Variants in PCSK5 observed in about 807,000 individuals in gnomAD.
PCSK5 encodes the protein proprotein convertase subtilisin/kexin type 5, also known as prohormone convertase 5.
PCSK5 carries 129 observed loss-of-function variants against 233.2 expected under a neutral mutation model. That is an observed-to-expected ratio of 0.55 (90% confidence interval 0.48 to 0.64). The LOEUF is 0.64. PCSK5 is among the 30% of genes least tolerant of loss of function. PCSK5 has a pLI of 0.00. For missense variants in PCSK5, 2,076 were observed against 2,430.1 expected, an observed-to-expected ratio of 0.85 and a Z score of 3.06; for synonymous variants, 825 against 879.2, an observed-to-expected ratio of 0.94 and a Z score of 1.09.
chr9:76,049,259 G>A (rs1177439342), intron 5 of PCSK5, among the ~76,000 whole-genome samples: 12 of 152,064 alleles, frequency 7.9e-5, no homozygotes, highest in South Asian at 2.1e-4. Flanking sequence ...AACCCATCCC[G>A]TAAGTTATTT....
chr9:75,893,050 A>G (rs1481924924), intron 1 of PCSK5, among the ~76,000 whole-genome samples: 3 of 152,140 alleles, frequency 2.0e-5, no homozygotes, highest in Non-Finnish European at 4.4e-5. Flanking sequence ...ACATGAACTT[A>G]AAGTTGGGCA....
chr9:76,064,381 C>T (rs1830182255), intron 5 of PCSK5, among the ~76,000 whole-genome samples: 1 of 125,216 alleles, frequency 8.0e-6, no homozygotes. Context: ...ACCTCCCTCC[C>T]GGACGGCACG....
chr9:75,894,546 T>C (rs1825734026), intron 1 of PCSK5, among the ~76,000 whole-genome samples: 1 of 152,216 alleles, frequency 6.6e-6, no homozygotes, highest in South Asian at 2.1e-4. Flanking sequence ...TTGTGAATGG[T>C]TGTGCCTTGA....
intron 8 of PCSK5, among the ~76,000 whole-genome samples, chr9:76,105,209 A>C (rs1002645257): frequency 1.3e-5 from 2 of 152,220 alleles, no homozygotes; most frequent in African/African-American, 4.8e-5. Context: ...TTATAAAGTA[A>C]AGAAATCCTG....
intron 3 of PCSK5, among the ~76,000 whole-genome samples, chr9:76,014,800 C>A (rs1318497358): frequency 6.6e-6 from 1 of 152,188 alleles, no homozygotes; most frequent in East Asian, 1.9e-4. Flanking sequence ...TGCACATTCC[C>A]TATGCTCTTT....
At chr9:76,016,698 T>C (rs1827962452) in intron 3 of PCSK5, among the ~76,000 whole-genome samples, 2 of 152,228 alleles carry the variant, frequency 1.3e-5, no homozygotes, top group African/African-American at 4.8e-5. Context: ...GGTTTTTATT[T>C]TGTTAAATGG....
chr9:76,162,529 G>A (rs775726712), intron 12 of PCSK5, among the ~76,000 whole-genome samples: 6 of 152,124 alleles, frequency 3.9e-5, no homozygotes, highest in Non-Finnish European at 7.4e-5. Flanking sequence ...AAGGCAGTCC[G>A]TCTCTGTGGT....
chr9:75,956,043 C>T (rs1328812305), intron 2 of PCSK5, among the ~76,000 whole-genome samples: 2 of 152,202 alleles, frequency 1.3e-5, no homozygotes, highest in East Asian at 1.9e-4. Context: ...CCAGGCTGTA[C>T]TCTTGTAACC....
intron 30 of PCSK5, 38 bp from the exon 31 acceptor site, chr9:76,321,384 G>A (rs766329513): frequency 1.1e-5 from 12 of 1,109,424 alleles, no homozygotes; most frequent in African/African-American, 1.5e-5. Flanking sequence ...TCTCCAGCAG[G>A]TCAGCTTCTC....
chr9:75,901,942 G>C (rs1038753489), intron 1 of PCSK5, among the ~76,000 whole-genome samples: 5 of 152,108 alleles, frequency 3.3e-5, no homozygotes, highest in African/African-American at 1.2e-4. Context: ...CAGGCTGGGC[G>C]TGGTGGCTCA....
chr9:76,198,211 G>A (rs926634102), intron 20 of PCSK5, among the ~76,000 whole-genome samples: 2 of 152,108 alleles, frequency 1.3e-5, no homozygotes, highest in Non-Finnish European at 2.9e-5. Context: ...TTCTTACAAG[G>A]TCTCTTCTCT....
intron 37 of PCSK5, among the ~76,000 whole-genome samples, chr9:76,355,595 T>C (rs1314660001): frequency 6.6e-6 from 1 of 152,250 alleles, no homozygotes. Context: ...CGATGCCATA[T>C]TTGTGAGTTG....
At chr9:76,015,389 T>A (rs1827908053) in intron 3 of PCSK5, among the ~76,000 whole-genome samples, 1 of 152,190 alleles carries the variant, frequency 6.6e-6, no homozygotes, top group South Asian at 2.1e-4. Flanking sequence ...ACCAGCTCTC[T>A]GGGCATTCCT....
At chr9:75,905,035 G>A (rs1826198838) in intron 1 of PCSK5, among the ~76,000 whole-genome samples, 1 of 152,144 alleles carries the variant, frequency 6.6e-6, no homozygotes, top group Non-Finnish European at 1.5e-5. Context: ...CTAAGTGAAA[G>A]GAACCAGTCA....
At chr9:76,103,743 G>A (rs1184678438) in intron 8 of PCSK5, among the ~76,000 whole-genome samples, 1 of 152,116 alleles carries the variant, frequency 6.6e-6, no homozygotes, top group East Asian at 1.9e-4. Flanking sequence ...GCTTTGATCT[G>A]GCTCAGGGCC....
intron 2 of PCSK5, among the ~76,000 whole-genome samples, chr9:75,981,638 A>C (rs749728278): frequency 2.6e-5 from 4 of 152,112 alleles, no homozygotes; most frequent in Admixed American, 6.5e-5. Flanking sequence ...CTGCAGCCTC[A>C]AACTCCTGGG....
intron 2 of PCSK5, among the ~76,000 whole-genome samples, chr9:75,944,182 A>T (rs866921954): frequency 8.9e-4 from 124 of 138,912 alleles, no homozygotes; most frequent in East Asian, 3.7e-3. Context: ...AGAAAGAAAA[A>T]AAATATATAT....
chr9:76,175,391 G>A, intron 14 of PCSK5: 1 of 495,790 alleles, frequency 2.0e-6, no homozygotes, highest in South Asian at 3.9e-5. Flanking sequence ...ATATTTGTGT[G>A]TGTATATCAG....
At chr9:76,325,937 G>A (rs994612923) in intron 32 of PCSK5, among the ~76,000 whole-genome samples, 16 of 151,590 alleles carry the variant, frequency 1.1e-4, no homozygotes, top group African/African-American at 1.9e-4. Flanking sequence ...ATGCCCGGCC[G>A]CCATTGCACT....
Sources: allele counts gnomAD v4.1 joint callset (sites outside exome capture counted in the v4.1 genomes callset), GRCh38; gene constraint gnomAD v4.1.1; transcripts MANE v1.5; gene names NCBI Gene and HGNC (gene_info 2026-07-23, HGNC 2026-07-21).